XIRP2: variants seen among roughly 807,000 people sequenced by gnomAD.
XIRP2 encodes the protein xin actin-binding repeat-containing protein 2.
A neutral mutation model predicts 277.0 loss-of-function variants in XIRP2; 236 were observed. That is an observed-to-expected ratio of 0.85 (90% CI 0.77 to 0.95). XIRP2 has a LOEUF of 0.95. XIRP2 is among the 40% of genes least tolerant of loss of function. The pLI is 0.00. For missense variants in XIRP2, 4,640 were observed against 4,157.5 expected (o/e 1.12, Z -3.19); for synonymous variants, 1,490 against 1,416.5 (o/e 1.05, Z -1.17).
intron 2 of XIRP2, among the ~76,000 whole-genome samples, chr2:167,104,036 A>G (rs964261981): frequency 2.6e-5 from 4 of 152,136 alleles, no homozygotes; most frequent in African/African-American, 9.7e-5. Flanking sequence ...TTTTTCTTGC[A>G]AAGTATTCAC....
chr2:167,159,416 T>G (rs1387749489), intron 3 of XIRP2, among the ~76,000 whole-genome samples: 1 of 152,226 alleles, frequency 6.6e-6, no homozygotes, highest in Non-Finnish European at 1.5e-5. Flanking sequence ...TAGTATATCC[T>G]TTACTTGTCA....
At chr2:167,159,408 G>A (rs539543442) in intron 3 of XIRP2, among the ~76,000 whole-genome samples, 1 of 152,268 alleles carries the variant, frequency 6.6e-6, no homozygotes, top group South Asian at 2.1e-4. Context: ...TTTAGATGTA[G>A]TATATCCTTT....
In XIRP2 at chr2:167,250,679, T is replaced by G; in HGVS notation, c.9287T>G (p.Val3096Gly). Residue 3096 changes from valine (V) to glycine (G), a missense_variant, in exon 9 of 11, where the codon GTG becomes GGG. Physicochemically the swap from Val to Gly is moderately radical, Grantham distance 109. Coordinates refer to ENST00000409195, the MANE Select transcript of XIRP2 (RefSeq NM_152381.6). ...CATGAAGCAACTGTTCGTAGTCACG[T>G]GAAAACCCATCAGGAAATTAAACTT... Reference protein sequence around the residue: ...AHHEATVRSHVKTHQEIKLDD... With the variant: ...AHHEATVRSHGKTHQEIKLDD... 6.2e-7 allele frequency: 1 copy of G among 1,613,496 alleles called. No individual in the cohort carries two copies. The highest frequency in any genetic ancestry group is 8.5e-7 in the Non-Finnish European group (1 of 1,179,722).
chr2:167,085,948 A>C (rs938584130), intron 2 of XIRP2, among the ~76,000 whole-genome samples: 2 of 151,842 alleles, frequency 1.3e-5, no homozygotes, highest in Non-Finnish European at 2.9e-5. Flanking sequence ...TTACATTTAA[A>C]GTTAATATTG....
intron 2 of XIRP2, among the ~76,000 whole-genome samples, chr2:167,007,573 A>T (rs1489224698): frequency 2.6e-5 from 4 of 151,612 alleles, no homozygotes; most frequent in Non-Finnish European, 5.9e-5. Flanking sequence ...ATTGATAGTT[A>T]GGTAAGTTGT....
chr2:167,061,966 C>G (rs1317131762), intron 2 of XIRP2, among the ~76,000 whole-genome samples: 1 of 152,174 alleles, frequency 6.6e-6, no homozygotes, highest in Non-Finnish European at 1.5e-5. Flanking sequence ...AACTAATACA[C>G]TCAGTTTTTT....
chr2:167,230,827 G>T (rs1446977516), intron 5 of XIRP2, among the ~76,000 whole-genome samples: 1 of 151,982 alleles, frequency 6.6e-6, no homozygotes, highest in African/African-American at 2.4e-5. Flanking sequence ...GTCTCCTTCA[G>T]TGCTCCCTCA....
chr2:167,175,513 C>T (rs1030835711), intron 3 of XIRP2, among the ~76,000 whole-genome samples: 5 of 152,142 alleles, frequency 3.3e-5, no homozygotes, highest in Non-Finnish European at 5.9e-5. Context: ...CTGGAAGCTT[C>T]ATCCCAGAGG....
chr2:166,893,118 T>C (rs559748461), intron 1 of XIRP2, among the ~76,000 whole-genome samples: 1 of 152,060 alleles, frequency 6.6e-6, no homozygotes, highest in African/African-American at 2.4e-5. Flanking sequence ...TGGGTTTAAA[T>C]TACCTTCAGT....
chr2:166,986,706 T>C (rs1201689516), intron 2 of XIRP2, among the ~76,000 whole-genome samples: 1 of 152,256 alleles, frequency 6.6e-6, no homozygotes, highest in Non-Finnish European at 1.5e-5. Context: ...TGAGAAATGA[T>C]CCTGTTAAAT....
intron 2 of XIRP2, among the ~76,000 whole-genome samples, chr2:166,969,279 C>T (rs1397008471): frequency 3.3e-5 from 5 of 151,962 alleles, no homozygotes; most frequent in Non-Finnish European, 7.4e-5. Flanking sequence ...AAGACTATGA[C>T]ACTTTGAATA....
chr2:167,012,893 C>T (rs10497305), intron 2 of XIRP2, among the ~76,000 whole-genome samples: 10,881 of 151,266 alleles, frequency 0.072, 762 homozygotes, highest in East Asian at 0.38. Context: ...AATTCTCCAG[C>T]GTTTTGTTAT....
At chr2:167,077,015 G>C (rs932313860) in intron 2 of XIRP2, among the ~76,000 whole-genome samples, 1 of 151,668 alleles carries the variant, frequency 6.6e-6, no homozygotes, top group Non-Finnish European at 1.5e-5. Context: ...GTGTTTTTTT[G>C]TTTGTTTGTT....
intron 3 of XIRP2, among the ~76,000 whole-genome samples, chr2:167,142,288 G>A (rs1287125643): frequency 2.6e-5 from 4 of 152,258 alleles, no homozygotes; most frequent in Non-Finnish European, 5.9e-5. Flanking sequence ...AATGGCTCAC[G>A]CTTATAATCC....
intron 2 of XIRP2, among the ~76,000 whole-genome samples, chr2:166,988,879 G>A (rs1687092648): frequency 9.9e-6 from 1 of 101,386 alleles, no homozygotes; most frequent in Non-Finnish European, 1.9e-5. Flanking sequence ...GCGGCAACGA[G>A]GCTGGGGGAG....
rs541208757 is a variant in XIRP2, at chr2:166,916,613, A to G, written c.408+12723A>G. ...GAAGAGTTTTAGAGATCTTTGAAGA[A>G]ATAAAATATTTCTCCTTTGCCTGAA... is the stretch of plus-strand genomic sequence containing the variant. On this transcript the variant is annotated intron_variant, in intron 2 of 10. Transcript: ENST00000409195. Among the ~76,000 whole-genome samples the G allele has an allele frequency of 1.6e-4, 24 of 152,210 alleles. No homozygotes were observed. In the East Asian group the frequency reaches 4.4e-3, roughly 28 times the overall value.
intron 2 of XIRP2, among the ~76,000 whole-genome samples, chr2:167,065,624 A>C (rs1689283825): frequency 6.6e-6 from 1 of 151,848 alleles, no homozygotes; most frequent in Non-Finnish European, 1.5e-5. Flanking sequence ...ATATCCTTTA[A>C]AAACGTTTTC....
chr2:167,075,838 T>A (rs1689552652), intron 2 of XIRP2, among the ~76,000 whole-genome samples: 1 of 151,490 alleles, frequency 6.6e-6, no homozygotes, highest in African/African-American at 2.4e-5. Context: ...TTTTTAGTAT[T>A]GATGGGGTTT....
At chr2:167,165,760 T>A (rs1173958199) in intron 3 of XIRP2, among the ~76,000 whole-genome samples, 1 of 152,220 alleles carries the variant, frequency 6.6e-6, no homozygotes, top group Non-Finnish European at 1.5e-5. Flanking sequence ...ATAAGTCTTT[T>A]GCAAATTATT....
Sources: allele counts gnomAD v4.1 joint callset (sites outside exome capture counted in the v4.1 genomes callset), GRCh38; gene constraint gnomAD v4.1.1; transcripts MANE v1.5; gene names NCBI Gene and HGNC (gene_info 2026-07-23, HGNC 2026-07-21).